The following RBFOX1 variants were observed in gnomAD, a reference collection of about 807,000 sequenced individuals.
The protein encoded by RBFOX1 is RNA binding protein fox-1 homolog 1.
In RBFOX1, 8 loss-of-function variants were observed where a neutral mutation model predicts 57.7. That is an observed-to-expected ratio of 0.14 (90% CI 0.08 to 0.25). The LOEUF (loss-of-function observed/expected upper bound fraction) is 0.25. RBFOX1 is among the 10% of genes least tolerant of loss of function. The pLI is 1.00. For missense variants in RBFOX1, 611 were observed against 548.5 expected (o/e 1.11, Z -1.14); for synonymous variants, 326 against 222.4 (o/e 1.47, Z -4.15).
intron 3 of RBFOX1, among the ~76,000 whole-genome samples, chr16:7,012,780 G>C (rs536380342): frequency 6.6e-6 from 1 of 152,168 alleles, no homozygotes; most frequent in Non-Finnish European, 1.5e-5. Flanking sequence ...TTCAAGTTTT[G>C]ACCCATTTTA....
intron 1 of RBFOX1, among the ~76,000 whole-genome samples, chr16:6,080,640 C>G (rs143726130): frequency 0.012 from 1,847 of 152,250 alleles, 40 homozygotes; most frequent in African/African-American, 0.043. Flanking sequence ...TTGGAAGTGA[C>G]TCGTTTATGA....
chr16:6,480,158 G>A lies in RBFOX1; in HGVS notation c.-64+163101G>A, dbSNP rs367849618. 6.6e-5 allele frequency among the ~76,000 whole-genome samples: 10 copies of A among 152,152 alleles called. No homozygotes were observed. The East Asian group carries it at 1.5e-3, about 24-fold the overall frequency. Reference sequence around the variant, plus strand: ...GACTAGTTTTTACCTGAGTTTGAGAGCTCCTTTTGTTCTTTTAAGAGAACA... The same window carrying A: ...GACTAGTTTTTACCTGAGTTTGAGAACTCCTTTTGTTCTTTTAAGAGAACA... On this transcript the variant is annotated intron_variant, in intron 2 of 15. Coordinates refer to ENST00000550418, the MANE Select transcript of RBFOX1 (RefSeq NM_018723.4).
chr16:7,705,982 T>G (rs1444845259), intron 14 of RBFOX1, among the ~76,000 whole-genome samples: 2 of 152,176 alleles, frequency 1.3e-5, no homozygotes, highest in Non-Finnish European at 2.9e-5. Context: ...GGTCGTGTCC[T>G]AACATGGCGA....
chr16:6,505,439 A>T (rs116621132), intron 2 of RBFOX1, among the ~76,000 whole-genome samples: 1,575 of 152,334 alleles, frequency 0.01, 20 homozygotes, highest in African/African-American at 0.027. Flanking sequence ...TACATCCAGG[A>T]GGAATGTGAA....
At chr16:6,334,236 G>A (rs529116581) in intron 2 of RBFOX1, among the ~76,000 whole-genome samples, 1 of 152,154 alleles carries the variant, frequency 6.6e-6, no homozygotes, top group African/African-American at 2.4e-5. Context: ...GGCCAGGTGT[G>A]GTGGCTCACG....
At chr16:6,945,469 GA>G (rs200881842) in intron 3 of RBFOX1, among the ~76,000 whole-genome samples, 2,046 of 119,970 alleles carry the variant, frequency 0.017, 58 homozygotes, top group African/African-American at 0.069. Context: ...TGGATATTTT[GA>G]TTTTTTTTTT....
At chr16:5,363,547 T>G (rs2065614780) in intron 1 of RBFOX1, among the ~76,000 whole-genome samples, 1 of 152,230 alleles carries the variant, frequency 6.6e-6, no homozygotes, top group East Asian at 1.9e-4. Context: ...CAACAAGCTT[T>G]CTTTCTCCCC....
intron 4 of RBFOX1, among the ~76,000 whole-genome samples, chr16:7,476,479 C>A (rs367940836): frequency 2.0e-5 from 3 of 152,070 alleles, no homozygotes; most frequent in Admixed American, 1.3e-4. Context: ...ATTAAACATC[C>A]CAATTATTAG....
intron 3 of RBFOX1, among the ~76,000 whole-genome samples, chr16:5,805,264 A>T (rs1049774739): frequency 2.6e-5 from 4 of 152,180 alleles, no homozygotes; most frequent in Admixed American, 2.6e-4. Context: ...GTCAGACAGG[A>T]TGGGTTCATT....
intron 4 of RBFOX1, among the ~76,000 whole-genome samples, chr16:7,052,621 T>C (rs1485056945): frequency 6.6e-6 from 1 of 152,162 alleles, no homozygotes; most frequent in Admixed American, 6.5e-5. Context: ...TTATATTCTG[T>C]TTCCCCACTT....
At chr16:7,267,045 C>T (rs2095170852) in intron 4 of RBFOX1, among the ~76,000 whole-genome samples, 1 of 152,064 alleles carries the variant, frequency 6.6e-6, no homozygotes, top group Admixed American at 6.6e-5. Flanking sequence ...GACAGGAGGC[C>T]AGCATACCTG....
chr16:6,947,457 G>C (rs1257817867), intron 3 of RBFOX1, among the ~76,000 whole-genome samples: 5 of 152,186 alleles, frequency 3.3e-5, no homozygotes, highest in Non-Finnish European at 7.3e-5. Flanking sequence ...ATTTCATCCG[G>C]CTGAGAACAT....
rs142732079 is a variant in RBFOX1, at chr16:6,503,375, A to G, written c.-63-151228A>G. ...TAGCACTCTTGTTCTTGTAACAGTTAGCTTTTGCTGGTAACAAACAATTCC... is the reference window on the plus strand; with the variant it reads ...TAGCACTCTTGTTCTTGTAACAGTTGGCTTTTGCTGGTAACAAACAATTCC... On this transcript the variant is annotated intron_variant, in intron 2 of 15. Transcript: ENST00000550418. Among the ~76,000 whole-genome samples the G allele has an allele frequency of 6.7e-3, 1,013 of 152,302 alleles. 9 individuals are homozygous for G. The highest frequency in any genetic ancestry group is 0.023 in the African/African-American group (953 of 41,566).
chr16:7,670,362 A>G (rs79294551), intron 13 of RBFOX1, among the ~76,000 whole-genome samples: 1 of 152,208 alleles, frequency 6.6e-6, no homozygotes, highest in Non-Finnish European at 1.5e-5. Flanking sequence ...AGAAAAAAAG[A>G]AAATAATTTG....
intron 3 of RBFOX1, among the ~76,000 whole-genome samples, chr16:5,764,445 A>T (rs1188055903): frequency 6.6e-6 from 1 of 152,116 alleles, no homozygotes; most frequent in Non-Finnish European, 1.5e-5. Context: ...TCTTTTTATT[A>T]TTCTTATTAT....
At chr16:5,865,324 T>C (rs547781725) in intron 3 of RBFOX1, among the ~76,000 whole-genome samples, 8 of 152,152 alleles carry the variant, frequency 5.3e-5, no homozygotes, top group Non-Finnish European at 1.2e-4. Flanking sequence ...AATCAGCTGC[T>C]TTCCCAGTCC....
chr16:6,107,591 GT>G (rs375099537), intron 1 of RBFOX1, among the ~76,000 whole-genome samples: 34 of 152,010 alleles, frequency 2.2e-4, no homozygotes, highest in African/African-American at 6.0e-4. Flanking sequence ...ATTAATACAT[GT>G]ATGGATGCAC....
chr16:5,548,284 C>T (rs1009074182), intron 2 of RBFOX1, among the ~76,000 whole-genome samples: 2 of 148,954 alleles, frequency 1.3e-5, no homozygotes, highest in African/African-American at 4.9e-5. Flanking sequence ...ACTATGCTCA[C>T]TGCCTGGGTG....
intron 4 of RBFOX1, among the ~76,000 whole-genome samples, chr16:7,245,722 AT>A (rs1442655551): frequency 6.6e-5 from 10 of 152,230 alleles, no homozygotes; most frequent in Non-Finnish European, 1.3e-4. Flanking sequence ...GATACTTAGC[AT>A]TAGAGAAAAG....
Sources: allele counts gnomAD v4.1 joint callset (sites outside exome capture counted in the v4.1 genomes callset), GRCh38; gene constraint gnomAD v4.1.1; transcripts MANE v1.5; gene names NCBI Gene and HGNC (gene_info 2026-07-23, HGNC 2026-07-21).